Variants in ADARB1 observed in about 807,000 individuals in gnomAD.
The protein encoded by ADARB1 is adenosine deaminase RNA specific B1, also known as double-stranded RNA-specific editase 1.
ADARB1 carries 10 observed loss-of-function variants against 52.4 expected under a neutral mutation model. That is an observed-to-expected ratio of 0.19 (90% CI 0.12 to 0.32). ADARB1 has a LOEUF of 0.32. Among genes scored for constraint, ADARB1 ranks in the 10% least tolerant of loss-of-function variants. The pLI is 1.00. For missense variants in ADARB1, 643 were observed against 922.3 expected, an observed-to-expected ratio of 0.70 and a Z score of 3.92; for synonymous variants, 349 against 371.1, an observed-to-expected ratio of 0.94 and a Z score of 0.68.
chr21:45,088,616 C>G (rs992313327), intron 1 of ADARB1, among the ~76,000 whole-genome samples: 6 of 152,228 alleles, frequency 3.9e-5, no homozygotes, highest in African/African-American at 1.2e-4. Flanking sequence ...ATAGTTACTT[C>G]AGGTGAGTTC....
intron 2 of ADARB1, among the ~76,000 whole-genome samples, chr21:45,161,589 G>T (rs1158336119): frequency 6.6e-6 from 1 of 152,226 alleles, no homozygotes; most frequent in East Asian, 1.9e-4. Context: ...CCTTGCAGCC[G>T]CCCCTCGGCA....
rs1602097575 is a variant in ADARB1 at position 45,224,432 on chromosome 21, C to T, written c.*2235C>T. On this transcript the variant is annotated 3_prime_UTR_variant, in exon 11 of 11. Coordinates refer to ENST00000348831, the MANE Select transcript of ADARB1 (RefSeq NM_001112.4). ...GGCCTTGAGGACAGGCACAGGGCAC[C>T]CTATCCCAAGCCGTCCAGGCAGGAG... The T allele has an allele frequency of 6.8e-6, 6 of 880,348 alleles. No homozygotes were observed. Among genetic ancestry groups the T allele is most frequent in the Admixed American group, 2.5e-4 (1 of 3,942 alleles). The allele number at this position is 880,348 out of a possible 1,614,324, so 54.5% of individuals were successfully genotyped here.
intron 9 of ADARB1, among the ~76,000 whole-genome samples, chr21:45,219,112 T>A (rs2092918437): frequency 6.6e-6 from 1 of 152,188 alleles, no homozygotes; most frequent in South Asian, 2.1e-4. Flanking sequence ...TTCAAAAAGT[T>A]CATAAAGTTA....
intron 1 of ADARB1, among the ~76,000 whole-genome samples, chr21:45,079,119 A>C (rs1448302376): frequency 6.6e-6 from 1 of 152,196 alleles, no homozygotes; most frequent in Admixed American, 6.5e-5. Context: ...GGCACCTCAG[A>C]CCAGGGCGGA....
chr21:45,177,925 G>A (rs972860862), intron 4 of ADARB1, among the ~76,000 whole-genome samples: 6 of 151,748 alleles, frequency 4.0e-5, no homozygotes, highest in Admixed American at 1.3e-4. Flanking sequence ...TTAACCTCTC[G>A]TCAACATTGT....
At chr21:45,077,665 T>TA (rs1294862430) in intron 1 of ADARB1, among the ~76,000 whole-genome samples, 1,418 of 137,044 alleles carry the variant, frequency 0.01, 22 homozygotes, top group African/African-American at 0.034. Context: ...AGACGCCGTC[T>TA]AAAAAAAAAA....
intron 1 of ADARB1, among the ~76,000 whole-genome samples, chr21:45,085,184 G>T (rs870351): frequency 0.085 from 13,011 of 152,206 alleles, 642 homozygotes; most frequent in East Asian, 0.15. Flanking sequence ...ATCATTTGAG[G>T]TGAGGTTTCG....
rs922045306 is a variant in ADARB1, at chr21:45,172,726, TGAG to T, written c.28+1044_28+1046del. 1.3e-5 allele frequency among the ~76,000 whole-genome samples: 2 copies of T among 150,104 alleles called. No homozygotes were observed. The highest frequency in any genetic ancestry group is 2.9e-5 in the Non-Finnish European group (2 of 68,022). ...TGGTTGAAGTCAGCCATCTGGGGTGTGAGGGTGAGACCACCTCCTGCAGTGCTA... is the reference window on the plus strand; with the variant it reads ...TGGTTGAAGTCAGCCATCTGGGGTGTGGTGAGACCACCTCCTGCAGTGCTA... On this transcript the variant is annotated intron_variant, in intron 3 of 10. Coordinates refer to ENST00000348831, the MANE Select transcript of ADARB1 (RefSeq NM_001112.4). The surrounding 1 kb of genome is among the most constrained non-coding windows in gnomAD (Gnocchi z 4.4).
rs116696030 is a variant in ADARB1 at position 45,133,594 on chromosome 21, T to G, written c.-48+5021T>G. 7.1e-3 allele frequency: 1,443 copies of G among 204,246 alleles called. 14 individuals are homozygous for G. The highest frequency in any genetic ancestry group is 0.033 in the African/African-American group (1,371 of 42,172). The allele number at this position is 204,246 out of a possible 1,614,324, so 12.7% of individuals were successfully genotyped here. A position where few individuals can be genotyped will look rare whatever the true frequency, so the allele number is the denominator to read the frequency against. On this transcript the variant is annotated intron_variant, in intron 2 of 10. Coordinates refer to ENST00000348831, the MANE Select transcript of ADARB1 (RefSeq NM_001112.4). ...CTGCAAGGCAGGGGAGTGTACAAGG[T>G]GTGTACCCCAGGGGCAGGATGCTAA...
chr21:45,074,846 C>A, intron 1 of ADARB1, 53 bp downstream of exon 1: 1 of 148,690 alleles, frequency 6.7e-6, no homozygotes, highest in South Asian at 1.9e-4. Flanking sequence ...CTCCGGACCC[C>A]GCGGTGGCGG....
intron 8 of ADARB1, among the ~76,000 whole-genome samples, chr21:45,195,969 G>A (rs1274180892): frequency 2.0e-5 from 3 of 152,182 alleles, no homozygotes; most frequent in African/African-American, 7.2e-5. Flanking sequence ...GATTGGGATT[G>A]TGTTGAATCT....
chr21:45,195,739 C>T (rs960509837), intron 8 of ADARB1, among the ~76,000 whole-genome samples: 1 of 151,630 alleles, frequency 6.6e-6, no homozygotes, highest in African/African-American at 2.4e-5. Flanking sequence ...AGGTCTGTTT[C>T]TAGACTTTTT....
intron 2 of ADARB1, among the ~76,000 whole-genome samples, chr21:45,134,236 GGT>G (rs1174041099): frequency 5.0e-5 from 3 of 59,556 alleles, no homozygotes; most frequent in African/African-American, 1.9e-4. Context: ...GCGCCCGCCG[GGT>G]GTGTGCCCGA....
At position 45,223,379 on chromosome 21, in the gene ADARB1, G is replaced by T. The variant is rs373524337; in HGVS notation, c.*1182G>T. 3 of 985,548 alleles carry T rather than the reference G, an allele frequency of 3.0e-6. No individual in the cohort carries two copies. Among genetic ancestry groups the T allele is most frequent in the Non-Finnish European group, 3.6e-6 (3 of 830,098 alleles). The allele number at this position is 985,548 out of a possible 1,614,324, so 61.1% of individuals were successfully genotyped here. On this transcript the variant is annotated 3_prime_UTR_variant, in exon 11 of 11. Transcript: ENST00000348831. ...GGGCTGCCCAGCGCCCAGCGTGCACGGGACGGCCCCACGACAGAGGGAGTC... is the reference window on the plus strand; with the variant it reads ...GGGCTGCCCAGCGCCCAGCGTGCACTGGACGGCCCCACGACAGAGGGAGTC...
At chr21:45,150,861 G>A (rs1423340540) in intron 2 of ADARB1, among the ~76,000 whole-genome samples, 3 of 152,184 alleles carry the variant, frequency 2.0e-5, no homozygotes, top group South Asian at 2.1e-4. Context: ...ACCGTCACTC[G>A]TGCCAGGAGC....
In ADARB1 at chr21:45,183,375, C is replaced by CA; in HGVS notation, c.1267dup (p.Arg423LysfsTer13). The stretch of plus-strand genomic sequence containing the variant: ...TTTTCCTTTCAGTAACAAAGATGAT[C>CA]AAAAAAGATCCATCTTTCAGAAATC... On this transcript the variant is annotated frameshift_variant, in exon 7 of 11. Coordinates refer to ENST00000348831, the MANE Select transcript of ADARB1 (RefSeq NM_001112.4). LOFTEE classifies it high-confidence loss of function. 1 of 1,598,660 alleles carries CA rather than the reference C, an allele frequency of 6.3e-7. No individual in the cohort carries two copies. The highest frequency in any genetic ancestry group is 1.1e-5 in the South Asian group (1 of 87,128).
At position 45,136,053 on chromosome 21, in the gene ADARB1, C is replaced by T. The variant is rs574255136; in HGVS notation, c.-48+7480C>T. Among the ~76,000 whole-genome samples the T allele has an allele frequency of 1.3e-4, 20 of 152,236 alleles. No homozygotes were observed. In the East Asian group the frequency reaches 3.7e-3, roughly 28 times the overall value. On this transcript the variant is annotated intron_variant, in intron 2 of 10. Transcript: ENST00000348831. ...GCGCCTGTGTTCATCCTGTGGTGTC[C>T]CTGGGCCCATGGGGGTGGGAGGGAT...
At position 45,200,088 on chromosome 21, in the gene ADARB1, GTCCCTGC is replaced by G. The variant is rs1157251097; in HGVS notation, c.1566-4464_1566-4458del. Among the ~76,000 whole-genome samples the G allele has an allele frequency of 2.0e-5, 3 of 152,342 alleles. No individual in the cohort carries two copies. Among genetic ancestry groups the G allele is most frequent in the Middle Eastern group, 3.4e-3 (1 of 292 alleles). On this transcript the variant is annotated intron_variant, in intron 8 of 10. Transcript: ENST00000348831. The surrounding 1 kb of genome is among the most constrained non-coding windows in gnomAD (Gnocchi z 5.0). ...AATGATGCCAGTTGGCTGCAGCTGTGTCCCTGCTCTGGGAGAGTTGAGAGTGGGGAGC... is the reference window on the plus strand; with the variant it reads ...AATGATGCCAGTTGGCTGCAGCTGTGTCTGGGAGAGTTGAGAGTGGGGAGC...
chr21:45,165,293 C>G (rs1311771683), intron 2 of ADARB1, among the ~76,000 whole-genome samples: 1 of 152,214 alleles, frequency 6.6e-6, no homozygotes, highest in African/African-American at 2.4e-5. Context: ...GTCATTTGTC[C>G]TTGCTAGAAT....
Sources: allele counts gnomAD v4.1 joint callset (sites outside exome capture counted in the v4.1 genomes callset), GRCh38; gene constraint gnomAD v4.1.1; non-coding constraint Gnocchi (gnomAD v3.1); transcripts MANE v1.5; gene names NCBI Gene and HGNC (gene_info 2026-07-23, HGNC 2026-07-21).